INTU: variants seen among roughly 807,000 people sequenced by gnomAD.
The protein encoded by INTU is protein inturned.
Under a neutral mutation model 100.5 loss-of-function variants are expected in INTU, and 68 were observed. That is an observed-to-expected ratio of 0.68 (90% CI 0.56 to 0.83). The LOEUF (loss-of-function observed/expected upper bound fraction) is 0.83. Ranked by LOEUF, INTU falls within the 40% of genes least tolerant of loss-of-function variation. The pLI is 0.00. For synonymous variants in INTU, 357 were observed against 395.7 expected, an observed-to-expected ratio of 0.90 and a Z score of 1.16; for missense variants, 1,071 against 1,114.7, an observed-to-expected ratio of 0.96 and a Z score of 0.56.
intron 1 of INTU, among the ~76,000 whole-genome samples, chr4:127,640,058 T>C (rs1727241926): frequency 6.6e-6 from 1 of 152,096 alleles, no homozygotes; most frequent in Non-Finnish European, 1.5e-5. Flanking sequence ...CTGAGATCAT[T>C]AGAGACACCT....
chr4:127,669,184 T>C, intron 5 of INTU, 30 bp downstream of exon 5: 2 of 1,086,872 alleles, frequency 1.8e-6, no homozygotes, highest in South Asian at 1.4e-5. Context: ...TTTAATTCTG[T>C]TTTTTTCAAG....
At chr4:127,715,354 A>G (rs890477623) in intron 15 of INTU, among the ~76,000 whole-genome samples, 2 of 152,220 alleles carry the variant, frequency 1.3e-5, no homozygotes, top group Admixed American at 6.5e-5. Flanking sequence ...ACCATGTAGT[A>G]TTAAGCTGTA....
rs975508134 is a variant in INTU, at chr4:127,720,185, G to C, written c.*3749G>C. ...AGAGATTCTGGTACATTGTCTCTTT[G>C]TTTTCATTGGTTTCAAAGAACTTCT... On this transcript the variant is annotated 3_prime_UTR_variant, in exon 16 of 16. Transcript: ENST00000335251. The C allele has an allele frequency of 2.6e-5, 4 of 152,036 alleles. No homozygotes were observed. The allele number at this position is 152,036 out of a possible 1,614,324, so 9.4% of individuals were successfully genotyped here. A position where few individuals can be genotyped will look rare whatever the true frequency, so the allele number is the denominator to read the frequency against.
intron 9 of INTU, among the ~76,000 whole-genome samples, chr4:127,701,448 T>C (rs2148727002): frequency 6.6e-6 from 1 of 152,326 alleles, no homozygotes; most frequent in South Asian, 2.1e-4. Context: ...CTGAATCTAT[T>C]CATGAGTCTC....
intron 6 of INTU, among the ~76,000 whole-genome samples, chr4:127,679,168 C>A (rs912153475): frequency 6.6e-6 from 1 of 151,992 alleles, no homozygotes; most frequent in Non-Finnish European, 1.5e-5. Flanking sequence ...ACTTTAACAC[C>A]CCACTGTCAA....
intron 4 of INTU, among the ~76,000 whole-genome samples, chr4:127,665,419 A>G (rs898913580): frequency 6.6e-6 from 1 of 152,004 alleles, no homozygotes; most frequent in Non-Finnish European, 1.5e-5. Flanking sequence ...TCTTCCTAAA[A>G]CATATTTTAA....
At chr4:127,635,709 A>G (rs1248395138) in intron 1 of INTU, among the ~76,000 whole-genome samples, 1 of 152,168 alleles carries the variant, frequency 6.6e-6, no homozygotes, top group African/African-American at 2.4e-5. Context: ...CATATTTTTA[A>G]TGTACAATTT....
At chr4:127,716,102 A>G (rs1448209251) in intron 15 of INTU, among the ~76,000 whole-genome samples, 1 of 152,206 alleles carries the variant, frequency 6.6e-6, no homozygotes, top group Non-Finnish European at 1.5e-5. Flanking sequence ...TTGATAAAAT[A>G]GGATTATTAC....
chr4:127,700,022 A>G lies in INTU; in HGVS notation c.1462A>G (p.Met488Val). ...TTTTTTAACATAGATGGAATTAGACATGGCATTAAGTGACTTGGAGGCTGC... is the reference window on the plus strand; with the variant it reads ...TTTTTTAACATAGATGGAATTAGACGTGGCATTAAGTGACTTGGAGGCTGC... ...LPLEIKMELD[M>V]ALSDLEAADF... Residue 488 changes from methionine to valine, a missense_variant, in exon 9 of 16, where the codon ATG becomes GTG. Transcript: ENST00000335251. The G allele has an allele frequency of 6.3e-7, 1 of 1,599,062 alleles. No individual in the cohort carries two copies. Among genetic ancestry groups the G allele is most frequent in the Non-Finnish European group, 8.5e-7 (1 of 1,173,560 alleles).
intron 1 of INTU, among the ~76,000 whole-genome samples, chr4:127,634,161 A>T (rs1726965579): frequency 6.6e-6 from 1 of 152,182 alleles, no homozygotes; most frequent in Admixed American, 6.5e-5. Context: ...TGGTGGGGAA[A>T]CCTGTTTAAT....
intron 6 of INTU, among the ~76,000 whole-genome samples, chr4:127,678,672 G>T (rs913235529): frequency 4.6e-5 from 7 of 152,104 alleles, no homozygotes; most frequent in South Asian, 2.1e-4. Context: ...GACCATCGAG[G>T]CTAGGAAGAA....
chr4:127,708,772 T>C (rs921181863), intron 13 of INTU, 104 bp downstream of exon 13: 6 of 595,808 alleles, frequency 1.0e-5, no homozygotes, highest in Non-Finnish European at 1.8e-5. Flanking sequence ...AATTCTGATA[T>C]ATCTTACATA....
intron 3 of INTU, among the ~76,000 whole-genome samples, chr4:127,657,205 T>C (rs1444110481): frequency 6.6e-6 from 1 of 152,210 alleles, no homozygotes; most frequent in Non-Finnish European, 1.5e-5. Flanking sequence ...GTTTGGCTAC[T>C]TAAGGAATTA....
Position 127,720,098 on chromosome 4 carries a change from C to T in INTU, c.*3662C>T, listed in dbSNP as rs1337354072. 2 of 152,034 alleles carry T rather than the reference C, an allele frequency of 1.3e-5. No homozygotes were observed. Among genetic ancestry groups the T allele is most frequent in the African/African-American group, 4.8e-5 (2 of 41,386 alleles). 9.4% of individuals were successfully genotyped at this position (152,034 alleles called of 1,614,324 possible). A position where few individuals can be genotyped will look rare whatever the true frequency, so the allele number is the denominator to read the frequency against. On this transcript the variant is annotated 3_prime_UTR_variant, in exon 16 of 16. Transcript: ENST00000335251. ...GGGTGTCGATTTGAGATCTTTCTAG[C>T]TTTTTGATGTGGGCATTTAGTGCTA... is the stretch of plus-strand genomic sequence containing the variant.
chr4:127,669,620 A>G lies in INTU; in HGVS notation c.1091+466A>G, dbSNP rs1728835099. On this transcript the variant is annotated intron_variant, in intron 5 of 15. Coordinates refer to ENST00000335251, the MANE Select transcript of INTU (RefSeq NM_015693.4). ...ATGACTGAACACGAAAATTGGTCAT[A>G]TAGTTAGGACATATTCTGTTCTTAC... Among the ~76,000 whole-genome samples the G allele has an allele frequency of 2.0e-5, 3 of 151,962 alleles. 1 individual carries two copies. In the South Asian group the frequency reaches 6.2e-4, roughly 31 times the overall value.
At chr4:127,699,726 C>A (rs1452317292) in intron 8 of INTU, among the ~76,000 whole-genome samples, 2 of 152,246 alleles carry the variant, frequency 1.3e-5, no homozygotes, top group East Asian at 3.9e-4. Context: ...CATGTGAAGA[C>A]CATTTTGCAG....
At chr4:127,656,748 A>T in intron 3 of INTU, 27 bp downstream of exon 3, 1 of 1,373,080 alleles carries the variant, frequency 7.3e-7, no homozygotes, top group Non-Finnish European at 1.0e-6. Flanking sequence ...TCTATATTTT[A>T]TGATGTTACA....
chr4:127,675,785 A>G (rs1180406043), intron 6 of INTU: 1 of 166,698 alleles, frequency 6.0e-6, no homozygotes. Flanking sequence ...GGCTTCCTCC[A>G]AAGTGGCGAG....
chr4:127,677,764 G>C (rs929903195), intron 6 of INTU, among the ~76,000 whole-genome samples: 1 of 152,184 alleles, frequency 6.6e-6, no homozygotes, highest in Admixed American at 6.5e-5. Flanking sequence ...TGACTTTGAC[G>C]AGATGAGAGA....
Sources: gnomAD v4.1 joint callset for allele counts (sites outside exome capture counted in the v4.1 genomes callset) on GRCh38, gnomAD v4.1.1 for gene constraint, MANE v1.5 for transcripts, NCBI Gene and HGNC (gene_info 2026-07-23, HGNC 2026-07-21) for gene names.